Variants in AK5 observed in about 807,000 individuals in gnomAD.
The protein encoded by AK5 is adenylate kinase isoenzyme 5.
A neutral mutation model predicts 69.5 loss-of-function variants in AK5; 27 were observed. That is an observed-to-expected ratio of 0.39 (90% confidence interval 0.29 to 0.54). AK5 has a LOEUF of 0.54. Ranked by LOEUF, AK5 falls within the 20% of genes least tolerant of loss-of-function variation. AK5 has a pLI of 0.71. For synonymous variants in AK5, 260 were observed against 244.4 expected (o/e 1.06, Z -0.60); for missense variants, 531 against 700.4 (o/e 0.76, Z 2.73).
intron 10 of AK5, among the ~76,000 whole-genome samples, chr1:77,487,128 G>A (rs1167779693): frequency 6.6e-6 from 1 of 152,196 alleles, no homozygotes; most frequent in East Asian, 1.9e-4. Context: ...AATTGTGGGA[G>A]AAAATGTGTT....
At chr1:77,405,680 A>G (rs1482891456) in intron 6 of AK5, among the ~76,000 whole-genome samples, 1 of 152,142 alleles carries the variant, frequency 6.6e-6, no homozygotes, top group East Asian at 1.9e-4. Flanking sequence ...CAGTGTAACC[A>G]AGAAGTGGAG....
chr1:77,384,935 C>T (rs1285931990), intron 6 of AK5, among the ~76,000 whole-genome samples: 1 of 152,076 alleles, frequency 6.6e-6, no homozygotes, highest in Non-Finnish European at 1.5e-5. Context: ...GGAAGTACAT[C>T]GCCTGGGTGC....
intron 5 of AK5, among the ~76,000 whole-genome samples, chr1:77,324,182 G>A (rs1399483085): frequency 3.9e-5 from 6 of 152,062 alleles, no homozygotes; most frequent in Admixed American, 2.6e-4. Context: ...TGAAAATGCC[G>A]AACATTAAGA....
At chr1:77,305,449 T>C (rs1286849268) in intron 5 of AK5, among the ~76,000 whole-genome samples, 2 of 152,214 alleles carry the variant, frequency 1.3e-5, no homozygotes, top group Non-Finnish European at 2.9e-5. Flanking sequence ...TGTTTTCTTT[T>C]AGTAGTTTCA....
intron 8 of AK5, among the ~76,000 whole-genome samples, chr1:77,470,538 T>C (rs1654397346): frequency 6.6e-6 from 1 of 151,928 alleles, no homozygotes; most frequent in Non-Finnish European, 1.5e-5. Flanking sequence ...ACACATCTCT[T>C]TACCAGCAAC....
intron 12 of AK5, among the ~76,000 whole-genome samples, chr1:77,526,672 T>C (rs1009983540): frequency 6.6e-6 from 1 of 151,612 alleles, no homozygotes; most frequent in African/African-American, 2.4e-5. Flanking sequence ...AGATGGGGTT[T>C]CACCGTGTTA....
rs541285872 is a variant in AK5, at chr1:77,531,738, C to T, written c.1429-4109C>T. On this transcript the variant is annotated intron_variant, in intron 12 of 13. Coordinates refer to ENST00000354567, the MANE Select transcript of AK5 (RefSeq NM_174858.3). The stretch of plus-strand genomic sequence containing the variant: ...CTGCACTGGGCCACAGGTGGAGCTG[C>T]CTGCCAGTCCCGCGCCCTGCGCCCG... Among the ~76,000 whole-genome samples, 464 of 152,266 alleles carry T rather than the reference C, an allele frequency of 3.0e-3. 2 individuals carry two copies. The highest frequency in any genetic ancestry group is 0.011 in the African/African-American group (450 of 41,558).
rs749712310 is a variant in AK5 at position 77,499,869 on chromosome 1, C to CTTTTTTTTTTTTT, written c.1147+13517_1147+13518insTTTTTTTTTTTTT. 5.2e-4 allele frequency among the ~76,000 whole-genome samples: 41 copies of CTTTTTTTTTTTTT among 78,772 alleles called. 6 individuals are homozygous for CTTTTTTTTTTTTT. The highest frequency in any genetic ancestry group is 1.2e-3 in the East Asian group (3 of 2,556). The allele number at this position is 78,772 out of a possible 152,430, so 51.7% of individuals were successfully genotyped here. On this transcript the variant is annotated intron_variant, in intron 10 of 13. Transcript: ENST00000354567. Reference sequence around the variant, plus strand: ...GATGACAGAGACCATGCCCTTTTTCCATTTTTTTTTTTTTTTTTTTTTTTT... The same window carrying CTTTTTTTTTTTTT: ...GATGACAGAGACCATGCCCTTTTTCCTTTTTTTTTTTTTATTTTTTTTTTTTTTTTTTTTTTTT...
chr1:77,376,942 A>G (rs1299043519), intron 6 of AK5, among the ~76,000 whole-genome samples: 1 of 152,346 alleles, frequency 6.6e-6, no homozygotes, highest in East Asian at 1.9e-4. Context: ...AAGGAAATAT[A>G]GAAGTCTCAC....
chr1:77,294,277 A>C (rs1046068040), intron 3 of AK5, among the ~76,000 whole-genome samples: 1 of 152,160 alleles, frequency 6.6e-6, no homozygotes, highest in Non-Finnish European at 1.5e-5. Flanking sequence ...TCTTGATCAC[A>C]GATAACTGAG....
chr1:77,388,934 A>G (rs548502437), intron 6 of AK5, among the ~76,000 whole-genome samples: 2 of 152,312 alleles, frequency 1.3e-5, no homozygotes, highest in African/African-American at 4.8e-5. Context: ...AAGTGGAGGA[A>G]AGTAGAAGAG....
chr1:77,282,422 C>G (rs761915177), intron 1 of AK5, 49 bp downstream of exon 1: 3 of 1,524,822 alleles, frequency 2.0e-6, no homozygotes, highest in Admixed American at 2.1e-5. Context: ...GACTGCATCT[C>G]AGGGGTTCGG....
chr1:77,558,638 C>A lies in AK5; in HGVS notation c.1657C>A (p.Gln553Lys). 1 of 1,589,680 alleles carries A rather than the reference C, an allele frequency of 6.3e-7. No homozygotes were observed. The highest frequency in any genetic ancestry group is 1.4e-5 in the African/African-American group (1 of 72,834). ...GGGAACACCAGAGGACGTTTTTCTT[C>A]AACTCTGCACAGCTATTGACTCTAT... is the stretch of plus-strand genomic sequence containing the variant. The part of the protein sequence containing the change: ...AEGTPEDVFL[Q>K]LCTAIDSIF The change falls in exon 14 of 14, where the codon CAA (glutamine) becomes AAA (lysine). Residue 553 changes from glutamine to lysine, a missense_variant. Physicochemically the swap from Gln to Lys is moderately conservative, Grantham distance 53 (BLOSUM62 1). Coordinates refer to ENST00000354567, the MANE Select transcript of AK5 (RefSeq NM_174858.3).
chr1:77,360,648 G>A (rs536657827), intron 6 of AK5, among the ~76,000 whole-genome samples: 78 of 139,828 alleles, frequency 5.6e-4, no homozygotes, highest in African/African-American at 2.0e-3. Flanking sequence ...TGCTTGTTTG[G>A]TTTGGTTTTG....
intron 6 of AK5, among the ~76,000 whole-genome samples, chr1:77,405,689 A>G (rs4351701): frequency 0.98 from 149,072 of 152,270 alleles, 73,043 homozygotes; most frequent in East Asian, 1. Flanking sequence ...CAAGAAGTGG[A>G]GGGATCCAAC....
chr1:77,383,290 T>C (rs539502238), intron 6 of AK5, among the ~76,000 whole-genome samples: 1 of 152,294 alleles, frequency 6.6e-6, no homozygotes, highest in South Asian at 2.1e-4. Context: ...GAGTACACTT[T>C]AGTGCACTCA....
chr1:77,342,763 G>A (rs989851694), intron 6 of AK5, among the ~76,000 whole-genome samples: 9 of 151,474 alleles, frequency 5.9e-5, no homozygotes, highest in African/African-American at 2.2e-4. Flanking sequence ...TTAATAATAA[G>A]CATGTTAAGA....
rs561762298 is a variant in AK5, at chr1:77,362,468, G to A, written c.891+21900G>A. ...TTAATGTCACAACTCATGAGCCACC[G>A]GAAGGATCACTATGGTATCAACTAA... is the stretch of plus-strand genomic sequence containing the variant. On this transcript the variant is annotated intron_variant, in intron 6 of 13. Coordinates refer to ENST00000354567, the MANE Select transcript of AK5 (RefSeq NM_174858.3). Among the ~76,000 whole-genome samples, 3 of 152,130 alleles carry A rather than the reference G, an allele frequency of 2.0e-5. No homozygotes were observed. The South Asian group carries it at 6.2e-4, about 32-fold the overall frequency.
chr1:77,345,430 C>A (rs1661867079), intron 6 of AK5, among the ~76,000 whole-genome samples: 1 of 152,222 alleles, frequency 6.6e-6, no homozygotes, highest in Admixed American at 6.5e-5. Flanking sequence ...AAGGGCTACA[C>A]TGCTATTTAG....
Sources: gnomAD v4.1 joint callset for allele counts (sites outside exome capture counted in the v4.1 genomes callset) on GRCh38, gnomAD v4.1.1 for gene constraint, MANE v1.5 for transcripts, NCBI Gene and HGNC (gene_info 2026-07-23, HGNC 2026-07-21) for gene names.